The following NBAS variants were observed in gnomAD, a reference collection of about 807,000 sequenced individuals.
The protein encoded by NBAS is NAG/BC035112 fusion.
NBAS carries 219 observed loss-of-function variants against 302.5 expected under a neutral mutation model. The observed-to-expected ratio is 0.72, with a 90% CI of 0.65 to 0.81. The LOEUF (loss-of-function observed/expected upper bound fraction) is 0.81. Ranked by LOEUF, NBAS falls within the 30% of genes least tolerant of loss-of-function variation. The probability of loss-of-function intolerance (pLI) is 0.00; values close to 1 mark genes in which losing one functional copy is unlikely to be tolerated. For missense variants in NBAS, 2,932 were observed against 2,841.6 expected (o/e 1.03, Z -0.72); for synonymous variants, 1,118 against 1,021.6 (o/e 1.09, Z -1.80).
the NBAS span, among the ~76,000 whole-genome samples, chr2:15,089,802 G>A: frequency 4.4e-5 from 6 of 136,970 alleles, no homozygotes; most frequent in Admixed American, 8.3e-5. Context: ...AGGCTGGAGT[G>A]CAGTGGCACA....
At chr2:15,081,825 G>A in the NBAS span, among the ~76,000 whole-genome samples, 4 of 152,320 alleles carry the variant, frequency 2.6e-5, no homozygotes, top group East Asian at 3.9e-4. Flanking sequence ...CTGCTGCCTG[G>A]AAGGATGGCC....
chr2:15,394,129 T>C (rs1248531841), intron 28 of NBAS, 98 bp downstream of exon 28: 2 of 1,283,328 alleles, frequency 1.6e-6, no homozygotes, highest in Admixed American at 4.8e-5. Flanking sequence ...TGCAGTTTAT[T>C]ATTAGTTATA....
chr2:15,007,399 AT>A, the NBAS span, among the ~76,000 whole-genome samples: 1 of 152,156 alleles, frequency 6.6e-6, no homozygotes, highest in South Asian at 2.1e-4. Context: ...TTTATTCATG[AT>A]TTTTAAATTC....
the NBAS span, among the ~76,000 whole-genome samples, chr2:15,121,729 AAT>A: frequency 2.8e-4 from 30 of 106,396 alleles, no homozygotes; most frequent in East Asian, 1.5e-3. Context: ...ATACAAAAAA[AAT>A]TTTTTTTTTT....
At chr2:15,116,629 G>A in the NBAS span, among the ~76,000 whole-genome samples, 2 of 152,204 alleles carry the variant, frequency 1.3e-5, no homozygotes, top group East Asian at 1.9e-4. Flanking sequence ...TCCATAACAA[G>A]AGCATTAGTA....
chr2:15,034,256 G>GAAAGAAAGAAAGAAA, the NBAS span, among the ~76,000 whole-genome samples: 1 of 96,456 alleles, frequency 1.0e-5, no homozygotes, highest in East Asian at 2.5e-4. Flanking sequence ...AAGAAAGAAA[G>GAAAGAAAGAAAGAAA]AAAGAAAGAA....
At chr2:15,326,809 T>G (rs1038588293) in intron 38 of NBAS, among the ~76,000 whole-genome samples, 1 of 152,114 alleles carries the variant, frequency 6.6e-6, no homozygotes, top group Non-Finnish European at 1.5e-5. Flanking sequence ...AAACCTCTAG[T>G]GTTCAAGGGA....
At chr2:15,036,613 T>C in the NBAS span, among the ~76,000 whole-genome samples, 1 of 152,204 alleles carries the variant, frequency 6.6e-6, no homozygotes, top group African/African-American at 2.4e-5. Context: ...TGCTGTACCC[T>C]CGTTCCAGAT....
the NBAS span, among the ~76,000 whole-genome samples, chr2:15,137,018 T>C: frequency 2.6e-5 from 4 of 152,076 alleles, no homozygotes; most frequent in African/African-American, 9.7e-5. Flanking sequence ...TTGATATGAG[T>C]ATGAGAACCG....
chr2:15,344,006 C>T (rs1395032672), intron 35 of NBAS, among the ~76,000 whole-genome samples: 1 of 114,430 alleles, frequency 8.7e-6, no homozygotes, highest in South Asian at 3.0e-4. Context: ...TGTTAAAAAA[C>T]AAAACAAAAT....
chr2:15,466,599 T>C (rs1679733598), intron 19 of NBAS, among the ~76,000 whole-genome samples: 1 of 152,162 alleles, frequency 6.6e-6, no homozygotes, highest in Non-Finnish European at 1.5e-5. Context: ...ACTTCAGCCC[T>C]AATTAGGATC....
the NBAS span, among the ~76,000 whole-genome samples, chr2:14,821,746 C>T: frequency 6.6e-6 from 1 of 152,194 alleles, no homozygotes; most frequent in East Asian, 1.9e-4. Flanking sequence ...GGCGCGATGG[C>T]TTACACCTGT....
chr2:15,089,202 G>A, the NBAS span, among the ~76,000 whole-genome samples: 2 of 151,984 alleles, frequency 1.3e-5, 1 homozygote, highest in East Asian at 3.9e-4. Context: ...GGCTGGTCAT[G>A]AACTCCTGAT....
the NBAS span, among the ~76,000 whole-genome samples, chr2:15,088,290 G>C: frequency 6.6e-6 from 1 of 152,168 alleles, no homozygotes; most frequent in Non-Finnish European, 1.5e-5. Flanking sequence ...CAAGGACAGA[G>C]CATTCTCAGA....
intron 6 of NBAS, among the ~76,000 whole-genome samples, chr2:15,542,805 G>A (rs935069898): frequency 8.5e-5 from 13 of 152,180 alleles, no homozygotes; most frequent in Middle Eastern, 3.2e-3. Context: ...ACTACCATGT[G>A]ATAACAGATT....
intron 21 of NBAS, 41 bp downstream of exon 21, chr2:15,461,160 T>C (rs775188611): frequency 4.6e-6 from 7 of 1,514,530 alleles, no homozygotes; most frequent in East Asian, 4.5e-5. Context: ...AAATTATCAA[T>C]ATAAAAAAGA....
chr2:15,510,631 A>G (rs1443518926), intron 10 of NBAS, among the ~76,000 whole-genome samples: 1 of 152,244 alleles, frequency 6.6e-6, no homozygotes, highest in East Asian at 1.9e-4. Context: ...GCTGACTACT[A>G]CAGCCCCAAG....
the NBAS span, among the ~76,000 whole-genome samples, chr2:14,833,908 T>C: frequency 6.6e-6 from 1 of 152,168 alleles, no homozygotes; most frequent in Non-Finnish European, 1.5e-5. Context: ...TAGACCTTTG[T>C]TCTTTGAATC....
intron 48 of NBAS, among the ~76,000 whole-genome samples, chr2:15,204,928 T>C (rs1963353): frequency 0.28 from 43,005 of 151,838 alleles, 7,415 homozygotes; most frequent in East Asian, 0.68. Context: ...TTAACAGGTG[T>C]AGCACACCAA....
Sources: gnomAD v4.1 joint callset for allele counts (sites outside exome capture counted in the v4.1 genomes callset) on GRCh38, gnomAD v4.1.1 for gene constraint, MANE v1.5 for transcripts, NCBI Gene and HGNC (gene_info 2026-07-23, HGNC 2026-07-21) for gene names.